Variants in KCMF1 observed in about 807,000 individuals in gnomAD.
The protein encoded by KCMF1 is E3 ubiquitin-protein ligase KCMF1.
KCMF1 carries 3 observed loss-of-function variants against 41.1 expected under a neutral mutation model. That is an observed-to-expected ratio of 0.07 (90% CI 0.03 to 0.19). The LOEUF (loss-of-function observed/expected upper bound fraction) is 0.19. Among genes scored for constraint, KCMF1 ranks in the 10% least tolerant of loss-of-function variants. The pLI is 1.00. For missense variants in KCMF1, 286 were observed against 488.9 expected (o/e 0.58, Z 3.91); for synonymous variants, 142 against 164.5 (o/e 0.86, Z 1.04).
At chr2:84,989,375 A>G (rs1673982389) in intron 1 of KCMF1, among the ~76,000 whole-genome samples, 1 of 152,352 alleles carries the variant, frequency 6.6e-6, no homozygotes. Flanking sequence ...GGGGGAAGGC[A>G]TAGATAGCAT....
At chr2:85,042,138 C>T (rs939320897) in intron 3 of KCMF1, among the ~76,000 whole-genome samples, 2 of 152,150 alleles carry the variant, frequency 1.3e-5, no homozygotes, top group African/African-American at 4.8e-5. Flanking sequence ...CTGTCTAGTT[C>T]TTCTGCACAC....
At chr2:84,976,204 CTTT>C (rs776217164) in intron 1 of KCMF1, among the ~76,000 whole-genome samples, 4 of 133,638 alleles carry the variant, frequency 3.0e-5, no homozygotes, top group Admixed American at 7.5e-5. Flanking sequence ...TTCTTAACTC[CTTT>C]TTTTTTTTTT....
At chr2:85,046,081 T>G (rs1675660194) in intron 4 of KCMF1, 23 bp from the exon 5 acceptor site, 1 of 1,583,514 alleles carries the variant, frequency 6.3e-7, no homozygotes, top group African/African-American at 1.4e-5. Flanking sequence ...ATACTTTCGT[T>G]TTTTTCTTAA....
intron 3 of KCMF1, among the ~76,000 whole-genome samples, chr2:85,037,735 C>T (rs1385237593): frequency 6.6e-6 from 1 of 152,208 alleles, no homozygotes; most frequent in Admixed American, 6.5e-5. Context: ...TCTTGCTTTG[C>T]CCCACGTTAC....
At chr2:84,976,278 C>T (rs1673542334) in intron 1 of KCMF1, among the ~76,000 whole-genome samples, 1 of 148,266 alleles carries the variant, frequency 6.7e-6, no homozygotes, top group East Asian at 2.0e-4. Flanking sequence ...GTGATCTTGT[C>T]TCACTACATC....
chr2:85,027,230 C>G (rs1437979997), intron 1 of KCMF1, among the ~76,000 whole-genome samples: 2 of 152,110 alleles, frequency 1.3e-5, no homozygotes, highest in Non-Finnish European at 2.9e-5. Flanking sequence ...GGCCTTTGTC[C>G]AATAATGCTG....
chr2:84,972,512 G>A (rs183903300), intron 1 of KCMF1, among the ~76,000 whole-genome samples: 10 of 152,330 alleles, frequency 6.6e-5, no homozygotes, highest in Admixed American at 2.0e-4. Context: ...GAGTCTTGGC[G>A]AAAAGTTTGT....
At chr2:84,997,738 T>G (rs907996423) in intron 1 of KCMF1, among the ~76,000 whole-genome samples, 5 of 152,066 alleles carry the variant, frequency 3.3e-5, no homozygotes, top group Middle Eastern at 3.4e-3. Flanking sequence ...TAATTTGATG[T>G]TGACTTACAG....
chr2:84,971,340 A>C lies in KCMF1; in HGVS notation c.-112A>C. The C allele has an allele frequency of 8.6e-6, 4 of 463,946 alleles. No homozygotes were observed. The highest frequency in any genetic ancestry group is 8.6e-6 in the Non-Finnish European group (3 of 349,972). 28.7% of individuals were successfully genotyped at this position (463,946 alleles called of 1,614,324 possible). A position where few individuals can be genotyped will look rare whatever the true frequency, so the allele number is the denominator to read the frequency against. On this transcript the variant is annotated 5_prime_UTR_variant, in exon 1 of 7. Transcript: ENST00000409785. Reference sequence around the variant, plus strand: ...CCTGCCCACCCCGCCCCCGCGGCCGAGCCCGGGAGTCGAGTGGGAGTCGGC... The same window carrying C: ...CCTGCCCACCCCGCCCCCGCGGCCGCGCCCGGGAGTCGAGTGGGAGTCGGC...
intron 1 of KCMF1, among the ~76,000 whole-genome samples, chr2:84,982,885 G>T (rs1673801174): frequency 6.6e-6 from 1 of 152,156 alleles, no homozygotes; most frequent in South Asian, 2.1e-4. Flanking sequence ...CTATACATAT[G>T]AATATACATA....
chr2:85,049,478 G>T lies in KCMF1; in HGVS notation c.714G>T (p.Arg238=), dbSNP rs1675754314. The part of the protein sequence containing the change: ...QQLQMQLQLE[R]QHAQAARQQL... ...TGCAGATGCAGCTGCAGCTAGAACG[G>T]CAGCATGCCCAGGCAGCACGGCAAC... The change falls in exon 6 of 7, where the codon CGG becomes CGT. Residue 238 remains arginine (R), a synonymous_variant. Coordinates refer to ENST00000409785, the MANE Select transcript of KCMF1 (RefSeq NM_020122.5). 2 of 1,613,892 alleles carry T rather than the reference G, an allele frequency of 1.2e-6. No homozygotes were observed. Among genetic ancestry groups the T allele is most frequent in the African/African-American group, 2.7e-5 (2 of 74,918 alleles).
intron 6 of KCMF1, among the ~76,000 whole-genome samples, chr2:85,052,173 G>A (rs185642673): frequency 6.6e-5 from 10 of 152,268 alleles, no homozygotes; most frequent in Admixed American, 2.0e-4. Flanking sequence ...AGGTTTAAGC[G>A]ATTCTCCTAC....
intron 1 of KCMF1, among the ~76,000 whole-genome samples, chr2:84,992,672 G>A (rs539556852): frequency 8.7e-4 from 132 of 151,390 alleles, no homozygotes; most frequent in Admixed American, 2.3e-3. Flanking sequence ...TAGCTCTGTC[G>A]CCCAGGCTGG....
chr2:84,975,374 T>C (rs1029808080), intron 1 of KCMF1, among the ~76,000 whole-genome samples: 30 of 152,172 alleles, frequency 2.0e-4, no homozygotes, highest in African/African-American at 7.0e-4. Context: ...CCAGTCAGCT[T>C]GGGATTCCGT....
intron 3 of KCMF1, among the ~76,000 whole-genome samples, chr2:85,041,802 C>T (rs539578581): frequency 2.7e-5 from 4 of 146,478 alleles, no homozygotes; most frequent in South Asian, 2.1e-4. Context: ...CAAGTCTGGC[C>T]GGAGTTTAAA....
rs143758833 is a variant in KCMF1 at position 85,004,867 on chromosome 2, C to T, written c.17-23022C>T. Among the ~76,000 whole-genome samples the T allele has an allele frequency of 9.7e-3, 1,483 of 152,120 alleles. 26 individuals are homozygous for T. Among genetic ancestry groups the T allele is most frequent in the African/African-American group, 0.034 (1,392 of 41,470 alleles). On this transcript the variant is annotated intron_variant, in intron 1 of 6. Coordinates refer to ENST00000409785, the MANE Select transcript of KCMF1 (RefSeq NM_020122.5). ...TATTTATTTTTGAGATGGAGTTTCA[C>T]TCTTGTCGCCCAGGCTGGAGTGCAG... is the stretch of plus-strand genomic sequence containing the variant.
intron 2 of KCMF1, among the ~76,000 whole-genome samples, chr2:85,030,010 C>T (rs936881680): frequency 6.6e-6 from 1 of 151,992 alleles, no homozygotes; most frequent in Non-Finnish European, 1.5e-5. Flanking sequence ...ACCTAGCCCA[C>T]ACTTTTTGTC....
chr2:84,972,060 C>G (rs952127075), intron 1 of KCMF1: 1 of 152,180 alleles, frequency 6.6e-6, no homozygotes, highest in Non-Finnish European at 1.5e-5. Context: ...CCCGGCCTCG[C>G]GGCTAGGCCT....
At chr2:84,975,000 C>T (rs1673509349) in intron 1 of KCMF1, among the ~76,000 whole-genome samples, 1 of 152,060 alleles carries the variant, frequency 6.6e-6, no homozygotes, top group Non-Finnish European at 1.5e-5. Context: ...AGCCACCGCA[C>T]CTGGCCGAAT....
Sources: allele counts gnomAD v4.1 joint callset (sites outside exome capture counted in the v4.1 genomes callset), GRCh38; gene constraint gnomAD v4.1.1; transcripts MANE v1.5; gene names NCBI Gene and HGNC (gene_info 2026-07-23, HGNC 2026-07-21).